The following SOX5 variants were observed in gnomAD, a reference collection of about 807,000 sequenced individuals.
The protein encoded by SOX5 is SRY-box transcription factor 5.
SOX5 carries 9 observed loss-of-function variants against 92.0 expected under a neutral mutation model. That is an observed-to-expected ratio of 0.10 (90% CI 0.06 to 0.17). The LOEUF (loss-of-function observed/expected upper bound fraction) is 0.17, where lower values mean the gene tolerates loss of function less well. Ranked by LOEUF, SOX5 falls within the 10% of genes least tolerant of loss-of-function variation. The probability of loss-of-function intolerance (pLI) is 1.00; values close to 1 mark genes in which losing one functional copy is unlikely to be tolerated. For synonymous variants in SOX5, 344 were observed against 336.3 expected (o/e 1.02, Z -0.25); for missense variants, 642 against 944.5 (o/e 0.68, Z 4.20).
At chr12:23,586,286 C>T (rs74072236) in intron 9 of SOX5, among the ~76,000 whole-genome samples, 3,237 of 152,126 alleles carry the variant, frequency 0.021, 101 homozygotes, top group African/African-American at 0.074. Context: ...GTTTTTCCCC[C>T]AAGTGGTAGG....
At chr12:24,210,642 ATATCAT>A (rs1425275590) in intron 4 of SOX5, among the ~76,000 whole-genome samples, 1 of 152,212 alleles carries the variant, frequency 6.6e-6, no homozygotes, top group Non-Finnish European at 1.5e-5. Context: ...TAAATATTAT[ATATCAT>A]TATCATTAAG....
At chr12:24,525,262 G>A (rs1950599116) in intron 1 of SOX5, among the ~76,000 whole-genome samples, 1 of 152,114 alleles carries the variant, frequency 6.6e-6, no homozygotes, top group South Asian at 2.1e-4. Flanking sequence ...TAAGCACATT[G>A]GGCTAAGTGA....
At chr12:23,684,242 G>A (rs1039672553) in intron 6 of SOX5, among the ~76,000 whole-genome samples, 1 of 151,742 alleles carries the variant, frequency 6.6e-6, no homozygotes, top group Non-Finnish European at 1.5e-5. Context: ...ACCTAATGAC[G>A]GTTCCTTTGG....
chr12:23,531,142 CT>C lies in SOX5; in HGVS notation c.*3076del, dbSNP rs909134257. The C allele has an allele frequency of 2.6e-5, 4 of 152,028 alleles. No individual in the cohort carries two copies. The highest frequency in any genetic ancestry group is 9.7e-5 in the African/African-American group (4 of 41,416). 9.4% of individuals were successfully genotyped at this position (152,028 alleles called of 1,614,324 possible). On this transcript the variant is annotated 3_prime_UTR_variant, in exon 15 of 15. Transcript: ENST00000451604. Reference sequence around the variant, plus strand: ...ATATAACTATTTTTGCTTTTGTTTTCTTTTGGGGAAAACTAGGGCAAAGAAA... The same window carrying C: ...ATATAACTATTTTTGCTTTTGTTTTCTTTGGGGAAAACTAGGGCAAAGAAA...
rs1397255842 is a variant in SOX5, at chr12:24,313,212, C to T, written c.-173-35900G>A. Among the ~76,000 whole-genome samples, 3 of 152,034 alleles carry T rather than the reference C, an allele frequency of 2.0e-5. No homozygotes were observed. In the East Asian group the frequency reaches 5.8e-4, roughly 29 times the overall value. ...AAATGATCTAGCTCAAATATCACCG[C>T]CTCTGTGAATGTCTCTGATTTCTTC... is the stretch of plus-strand genomic sequence containing the variant. On this transcript the variant is annotated intron_variant, in intron 2 of 4. Coordinates refer to the SOX5 transcript ENST00000446891.
At chr12:24,425,952 T>C (rs964782266) in intron 1 of SOX5, among the ~76,000 whole-genome samples, 2 of 152,180 alleles carry the variant, frequency 1.3e-5, no homozygotes, top group Admixed American at 6.5e-5. Context: ...CTGTGCTCCA[T>C]TGATTGAGTG....
chr12:23,862,679 C>T (rs2096769018), intron 2 of SOX5, among the ~76,000 whole-genome samples: 1 of 152,098 alleles, frequency 6.6e-6, no homozygotes, highest in Admixed American at 6.6e-5. Flanking sequence ...TTACGTTTTG[C>T]CTTATTCTTT....
intron 6 of SOX5, among the ~76,000 whole-genome samples, chr12:23,696,524 G>A (rs2140134012): frequency 6.6e-6 from 1 of 152,046 alleles, no homozygotes; most frequent in East Asian, 1.9e-4. Context: ...GAATTGTCTA[G>A]CTAGAGGTTT....
At chr12:23,829,625 C>G (rs9804988) in intron 3 of SOX5, among the ~76,000 whole-genome samples, 2 of 151,886 alleles carry the variant, frequency 1.3e-5, no homozygotes, top group South Asian at 2.1e-4. Flanking sequence ...CAGTGAAGGA[C>G]AAGAAAACAG....
At chr12:24,494,704 A>C (rs10842360) in intron 1 of SOX5, among the ~76,000 whole-genome samples, 1 of 151,954 alleles carries the variant, frequency 6.6e-6, no homozygotes, top group Non-Finnish European at 1.5e-5. Flanking sequence ...AAGTCTATGT[A>C]AGGCAGTTCC....
intron 4 of SOX5, among the ~76,000 whole-genome samples, chr12:24,013,725 G>A (rs748217808): frequency 5.9e-5 from 9 of 152,104 alleles, no homozygotes; most frequent in Non-Finnish European, 1.0e-4. Flanking sequence ...CCATTTTTAA[G>A]GCTGAAGTTT....
chr12:23,619,039 T>C (rs149136689), intron 8 of SOX5, among the ~76,000 whole-genome samples: 45 of 152,296 alleles, frequency 3.0e-4, no homozygotes, highest in South Asian at 2.1e-3. Context: ...GCTATTATTG[T>C]TGTTGTTTTG....
chr12:24,405,484 G>A (rs1246327105), intron 1 of SOX5, among the ~76,000 whole-genome samples: 1 of 152,064 alleles, frequency 6.6e-6, no homozygotes, highest in African/African-American at 2.4e-5. Flanking sequence ...CTAGGAAACT[G>A]GAATGATTCC....
chr12:24,199,439 C>T (rs1410331973), intron 4 of SOX5, among the ~76,000 whole-genome samples: 1 of 152,172 alleles, frequency 6.6e-6, no homozygotes, highest in Admixed American at 6.5e-5. Flanking sequence ...ACCAATTAAA[C>T]TTAGAATCTC....
chr12:23,879,289 T>C (rs746781189), intron 2 of SOX5, among the ~76,000 whole-genome samples: 19 of 151,876 alleles, frequency 1.3e-4, no homozygotes, highest in Non-Finnish European at 1.2e-4. Flanking sequence ...TTAGTGACTC[T>C]CTATTTTAAT....
chr12:23,902,627 G>A (rs1177601248), intron 1 of SOX5, among the ~76,000 whole-genome samples: 3 of 151,968 alleles, frequency 2.0e-5, no homozygotes, highest in Non-Finnish European at 4.4e-5. Flanking sequence ...TACAATAGAA[G>A]CATCTGGAAA....
At chr12:23,748,190 T>C (rs916860969) in intron 4 of SOX5, among the ~76,000 whole-genome samples, 2 of 151,994 alleles carry the variant, frequency 1.3e-5, no homozygotes, top group African/African-American at 2.4e-5. Flanking sequence ...TTTATGGTAA[T>C]AGGACACTAT....
chr12:23,799,630 T>A (rs1389839411), intron 3 of SOX5, among the ~76,000 whole-genome samples: 1 of 152,058 alleles, frequency 6.6e-6, no homozygotes, highest in Non-Finnish European at 1.5e-5. Flanking sequence ...CATGTTAATG[T>A]CCATACTAAA....
intron 2 of SOX5, among the ~76,000 whole-genome samples, chr12:24,278,101 G>T (rs1835859285): frequency 6.6e-6 from 1 of 152,124 alleles, no homozygotes; most frequent in Non-Finnish European, 1.5e-5. Flanking sequence ...CTTGATTCTG[G>T]CTCAGTCGCT....
Sources: allele counts gnomAD v4.1 joint callset (sites outside exome capture counted in the v4.1 genomes callset), GRCh38; gene constraint gnomAD v4.1.1; transcripts MANE v1.5; gene names NCBI Gene and HGNC (gene_info 2026-07-23, HGNC 2026-07-21).